The following PAPPA variants were observed in gnomAD, a reference collection of about 807,000 sequenced individuals.
The protein encoded by PAPPA is pappalysin 1.
Under a neutral mutation model 164.0 loss-of-function variants are expected in PAPPA, and 60 were observed. The ratio of observed to expected loss-of-function variants is 0.37; its 90% CI spans 0.30 to 0.45. The LOEUF is 0.45. PAPPA is among the 20% of genes least tolerant of loss of function. The pLI is 1.00. For missense variants in PAPPA, 1,782 were observed against 2,087.3 expected (o/e 0.85, Z 2.85); for synonymous variants, 875 against 814.1 (o/e 1.07, Z -1.27).
intron 21 of PAPPA, 78 bp downstream of exon 21, chr9:116,382,571 G>A (rs1284923582): frequency 5.8e-6 from 5 of 862,104 alleles, no homozygotes; most frequent in South Asian, 2.6e-5. Flanking sequence ...CTCCTTCATG[G>A]CTGGACAACC....
At chr9:116,223,006 A>C (rs1844464085) in intron 5 of PAPPA, among the ~76,000 whole-genome samples, 1 of 152,238 alleles carries the variant, frequency 6.6e-6, no homozygotes, top group Non-Finnish European at 1.5e-5. Context: ...AAAATTTTTG[A>C]AACCTATTTG....
intron 2 of PAPPA, among the ~76,000 whole-genome samples, chr9:116,196,845 G>A (rs1017949992): frequency 2.0e-5 from 3 of 152,192 alleles, no homozygotes; most frequent in Non-Finnish European, 4.4e-5. Context: ...AGCTTCTGAT[G>A]TGTTTGATTC....
chr9:116,221,491 C>T (rs1247547546), intron 5 of PAPPA, among the ~76,000 whole-genome samples: 2 of 152,268 alleles, frequency 1.3e-5, no homozygotes, highest in South Asian at 2.1e-4. Context: ...TACAGAATCT[C>T]ATTTAATCTT....
At chr9:116,300,848 G>A (rs1845571728) in intron 9 of PAPPA, among the ~76,000 whole-genome samples, 1 of 69,772 alleles carries the variant, frequency 1.4e-5, no homozygotes, top group African/African-American at 2.8e-5. Flanking sequence ...ATTAAAAGAA[G>A]AGTATTTTTT....
chr9:116,302,660 T>A, intron 9 of PAPPA, 97 bp from the exon 10 acceptor site: 1 of 901,280 alleles, frequency 1.1e-6, no homozygotes, highest in Non-Finnish European at 1.7e-6. Flanking sequence ...ACAGTACCAA[T>A]GGTTTTGGTG....
chr9:116,213,910 G>A (rs1214801873), intron 4 of PAPPA, among the ~76,000 whole-genome samples: 2 of 152,198 alleles, frequency 1.3e-5, no homozygotes, highest in East Asian at 1.9e-4. Context: ...GAACAGGACT[G>A]GGTTCTCAGG....
intron 3 of PAPPA, among the ~76,000 whole-genome samples, chr9:116,210,446 A>G (rs899057644): frequency 1.2e-4 from 19 of 152,228 alleles, no homozygotes; most frequent in Admixed American, 1.2e-3. Context: ...GCTCAAATCA[A>G]CAAGACCCTA....
intron 6 of PAPPA, among the ~76,000 whole-genome samples, chr9:116,230,822 T>C (rs1267108393): frequency 6.6e-6 from 1 of 152,180 alleles, no homozygotes; most frequent in Non-Finnish European, 1.5e-5. Context: ...AGCCTATAAA[T>C]TAGATAAATA....
chr9:116,276,480 T>G (rs1350714943), intron 9 of PAPPA, among the ~76,000 whole-genome samples: 1 of 151,392 alleles, frequency 6.6e-6, no homozygotes, highest in Non-Finnish European at 1.5e-5. Context: ...GCTTAGCACC[T>G]CAGAGCCTCA....
At position 116,154,601 on chromosome 9, in the gene PAPPA, C is replaced by T. The variant is rs1843578400; in HGVS notation, c.415+14C>T. Reference sequence around the variant, plus strand: ...CAGTGATCACAGGTAGGTGAGGGCGCCTCGGCGGGCGCTGCACCGTCCCTG... The same window carrying T: ...CAGTGATCACAGGTAGGTGAGGGCGTCTCGGCGGGCGCTGCACCGTCCCTG... On this transcript the variant is annotated intron_variant, in intron 1 of 21. Transcript: ENST00000328252. This position sits in a 1 kb window ranked among gnomAD's most constrained non-coding sequence, Gnocchi z 5.2. 1 of 1,335,954 alleles carries T rather than the reference C, an allele frequency of 7.5e-7. No individual in the cohort carries two copies. Among genetic ancestry groups the T allele is most frequent in the Non-Finnish European group, 9.6e-7 (1 of 1,044,884 alleles). 82.8% of individuals were successfully genotyped at this position (1,335,954 alleles called of 1,614,324 possible).
chr9:116,376,378 A>G (rs1235717417), intron 19 of PAPPA, among the ~76,000 whole-genome samples: 1 of 152,188 alleles, frequency 6.6e-6, no homozygotes, highest in Non-Finnish European at 1.5e-5. Context: ...TTCTAGTCTT[A>G]TTTAGCTTTC....
intron 21 of PAPPA, among the ~76,000 whole-genome samples, chr9:116,386,704 A>T (rs1212408261): frequency 6.6e-6 from 1 of 152,130 alleles, no homozygotes; most frequent in Non-Finnish European, 1.5e-5. Context: ...CCTTGGCATG[A>T]CCCTCCCTGT....
intron 13 of PAPPA, among the ~76,000 whole-genome samples, chr9:116,342,539 T>TC (rs879873671): frequency 3.3e-5 from 5 of 151,768 alleles, no homozygotes; most frequent in Admixed American, 6.6e-5. Context: ...AGCTTTTAGC[T>TC]CCCCCCGCCT....
Position 116,235,526 on chromosome 9 carries a change from A to T in PAPPA, c.2621A>T (p.Asp874Val). ...IDAAMLTSTA[D>V]TPLCLQCKPL... ...GCTGCCATGTTGACCTCCACTGCAG[A>T]CACCCCACTCTGTCTACAGTGTAAG... The change falls in exon 7 of 22, where the codon GAC (aspartate) becomes GTC (valine). Residue 874 changes from aspartate (D) to valine (V), a missense_variant. Asp to Val is a radical substitution (Grantham distance 152). Around this residue, in one of 2 missense-constraint regions of PAPPA, gnomAD observed 1,324 missense variants for 1,656.9 expected, o/e 0.80. Transcript: ENST00000328252. 2 of 1,613,596 alleles carry T rather than the reference A, an allele frequency of 1.2e-6. No homozygotes were observed. Among genetic ancestry groups the T allele is most frequent in the African/African-American group, 2.7e-5 (2 of 75,014 alleles).
chr9:116,199,044 T>C (rs1313483295), intron 2 of PAPPA, among the ~76,000 whole-genome samples: 1 of 152,198 alleles, frequency 6.6e-6, no homozygotes, highest in Non-Finnish European at 1.5e-5. Flanking sequence ...AAAAGTAATG[T>C]TGAAAACCGC....
At chr9:116,186,433 G>C (rs565505476) in intron 1 of PAPPA, among the ~76,000 whole-genome samples, 1 of 152,084 alleles carries the variant, frequency 6.6e-6, no homozygotes, top group African/African-American at 2.4e-5. Context: ...GGGTTTGGAG[G>C]TGATGATCTT....
intron 3 of PAPPA, among the ~76,000 whole-genome samples, chr9:116,208,618 T>A (rs1450176995): frequency 1.3e-5 from 2 of 152,216 alleles, no homozygotes; most frequent in Admixed American, 6.5e-5. Context: ...TATCTGAGAA[T>A]GTTCAGGCTC....
intron 9 of PAPPA, chr9:116,287,136 C>T (rs1845349501): frequency 6.6e-6 from 1 of 152,218 alleles, no homozygotes; most frequent in Non-Finnish European, 1.5e-5. Flanking sequence ...ATTTCATTGT[C>T]TGTAAAATGG....
At chr9:116,176,328 TG>T (rs1020947563) in intron 1 of PAPPA, among the ~76,000 whole-genome samples, 22 of 152,134 alleles carry the variant, frequency 1.4e-4, no homozygotes, top group African/African-American at 4.8e-4. Flanking sequence ...GGGGGAATAG[TG>T]AAAAATAGGA....
Sources: gnomAD v4.1 joint callset for allele counts (sites outside exome capture counted in the v4.1 genomes callset) on GRCh38, gnomAD v4.1.1 for gene constraint, gnomAD v4.1.1 regional missense constraint, Gnocchi (gnomAD v3.1) non-coding constraint, MANE v1.5 for transcripts, NCBI Gene and HGNC (gene_info 2026-07-23, HGNC 2026-07-21) for gene names.